AMPH: variants seen among roughly 807,000 people sequenced by gnomAD.
The protein encoded by AMPH is amphiphysin, also known as amphiphysin (Stiff-Mann syndrome with breast cancer 128kD autoantigen).
A neutral mutation model predicts 99.1 loss-of-function variants in AMPH; 49 were observed. The observed-to-expected ratio is 0.49, with a 90% confidence interval of 0.39 to 0.63. The LOEUF is 0.63. Ranked by LOEUF, AMPH falls within the 20% of genes least tolerant of loss-of-function variation. The probability of loss-of-function intolerance (pLI) is 0.00; values close to 1 mark genes in which losing one functional copy is unlikely to be tolerated. For synonymous variants in AMPH, 314 were observed against 317.3 expected, an observed-to-expected ratio of 0.99 and a Z score of 0.11; for missense variants, 759 against 863.4, an observed-to-expected ratio of 0.88 and a Z score of 1.52.
intron 5 of AMPH, among the ~76,000 whole-genome samples, chr7:38,487,009 C>T (rs1788523982): frequency 6.6e-6 from 1 of 152,076 alleles, no homozygotes; most frequent in Admixed American, 6.6e-5. Context: ...CCACTGACAT[C>T]AGAAACAAGA....
rs1474184355 is a variant in AMPH, at chr7:38,392,374, G to C, written c.1609-357C>G. Among the ~76,000 whole-genome samples the C allele has an allele frequency of 3.3e-5, 3 of 90,220 alleles. No homozygotes were observed. The East Asian group carries it at 1.0e-3, about 31-fold the overall frequency. The allele number at this position is 90,220 out of a possible 152,430, so 59.2% of individuals were successfully genotyped here. ...GGAGGAGTCAATGCAGGCCGGCCTG[G>C]TTCTTTTTTTTTTTTTTTTTTTTTT... is the stretch of plus-strand genomic sequence containing the variant. On this transcript the variant is annotated intron_variant, in intron 18 of 20. Transcript: ENST00000356264.
At chr7:38,536,978 A>T (rs577562937) in intron 1 of AMPH, among the ~76,000 whole-genome samples, 37 of 152,300 alleles carry the variant, frequency 2.4e-4, no homozygotes, top group African/African-American at 8.7e-4. Context: ...ATTAAGAGTG[A>T]TCATTATTTT....
At chr7:38,623,338 A>G in intron 1 of AMPH, among the ~76,000 whole-genome samples, 1 of 152,202 alleles carries the variant, frequency 6.6e-6, no homozygotes, top group East Asian at 1.9e-4. Context: ...TTAAAATCTG[A>G]GTTCCTACAG....
At chr7:38,443,328 C>T (rs927947690) in intron 11 of AMPH, among the ~76,000 whole-genome samples, 2 of 151,976 alleles carry the variant, frequency 1.3e-5, no homozygotes, top group Non-Finnish European at 2.9e-5. Flanking sequence ...ACTTAACCAG[C>T]AATTGATTTT....
chr7:38,561,236 C>T (rs547065781), intron 1 of AMPH, among the ~76,000 whole-genome samples: 15 of 152,290 alleles, frequency 9.8e-5, no homozygotes, highest in East Asian at 5.8e-4. Context: ...TGTTGAATAA[C>T]GAACCACGAA....
At chr7:38,517,025 A>T (rs1789773602) in intron 2 of AMPH, among the ~76,000 whole-genome samples, 1 of 152,188 alleles carries the variant, frequency 6.6e-6, no homozygotes, top group Non-Finnish European at 1.5e-5. Context: ...GGAAGTAATT[A>T]ACTTGTTTTC....
At chr7:38,392,711 A>G (rs1784545839) in intron 18 of AMPH, 2 of 152,798 alleles carry the variant, frequency 1.3e-5, no homozygotes, top group African/African-American at 4.8e-5. Context: ...TTCTTGTCCC[A>G]CGGAACCCTA....
At chr7:38,473,059 G>C (rs1012037073) in intron 7 of AMPH, among the ~76,000 whole-genome samples, 1 of 152,138 alleles carries the variant, frequency 6.6e-6, no homozygotes, top group African/African-American at 2.4e-5. Context: ...ATAAATATCT[G>C]TCTCTTGGCA....
At chr7:38,424,840 G>A (rs912811447) in intron 15 of AMPH, among the ~76,000 whole-genome samples, 1 of 152,098 alleles carries the variant, frequency 6.6e-6, no homozygotes, top group Non-Finnish European at 1.5e-5. Context: ...AAAGGAAGAT[G>A]AAAGAGGTAG....
chr7:38,463,533 T>G (rs1394627450), intron 9 of AMPH, among the ~76,000 whole-genome samples: 1 of 152,238 alleles, frequency 6.6e-6, no homozygotes, highest in Non-Finnish European at 1.5e-5. Flanking sequence ...TCGTTTCACT[T>G]TCTATTTACA....
intron 11 of AMPH, among the ~76,000 whole-genome samples, 199 bp from the exon 12 acceptor site, chr7:38,436,587 A>G (rs1786276244): frequency 6.6e-6 from 1 of 152,208 alleles, no homozygotes; most frequent in African/African-American, 2.4e-5. Flanking sequence ...ACTCTGGCCA[A>G]GTATAACCTA....
At chr7:38,615,071 T>C (rs1023906740) in intron 1 of AMPH, among the ~76,000 whole-genome samples, 2 of 152,200 alleles carry the variant, frequency 1.3e-5, no homozygotes, top group Non-Finnish European at 2.9e-5. Context: ...CAACTCAATA[T>C]TGCAGAATAA....
chr7:38,591,632 G>A (rs376396595), intron 1 of AMPH, among the ~76,000 whole-genome samples: 41 of 152,122 alleles, frequency 2.7e-4, no homozygotes, highest in African/African-American at 8.7e-4. Context: ...AGTTAGAAAG[G>A]GTCCCAAAAG....
intron 3 of AMPH, among the ~76,000 whole-genome samples, chr7:38,497,820 T>C (rs1453545979): frequency 6.6e-6 from 1 of 152,288 alleles, no homozygotes; most frequent in African/African-American, 2.4e-5. Flanking sequence ...TGGAATAAAA[T>C]AGGCAGTTGG....
intron 17 of AMPH, among the ~76,000 whole-genome samples, chr7:38,408,339 T>A (rs1341580725): frequency 1.3e-5 from 2 of 152,114 alleles, no homozygotes; most frequent in African/African-American, 4.8e-5. Flanking sequence ...TAGATTATAA[T>A]TTTTTTTCTT....
intron 1 of AMPH, among the ~76,000 whole-genome samples, chr7:38,594,081 CG>C (rs1168546323): frequency 6.6e-6 from 1 of 151,938 alleles, no homozygotes; most frequent in Non-Finnish European, 1.5e-5. Context: ...CAGGGGGTCA[CG>C]GGAAGAAGCA....
chr7:38,617,134 C>T (rs1410039174), intron 1 of AMPH, among the ~76,000 whole-genome samples: 1 of 152,220 alleles, frequency 6.6e-6, no homozygotes, highest in African/African-American at 2.4e-5. Context: ...AAACAACATA[C>T]ATGCACAGTC....
intron 1 of AMPH, among the ~76,000 whole-genome samples, chr7:38,566,283 A>C (rs1416319921): frequency 6.7e-6 from 1 of 148,514 alleles, no homozygotes; most frequent in Non-Finnish European, 1.5e-5. Context: ...GAAACTCATT[A>C]ATGTCTTCTT....
In AMPH at chr7:38,513,950, T is replaced by G. The variant is rs115863340; in HGVS notation, c.151-10246A>C. Among the ~76,000 whole-genome samples, 1,243 of 152,318 alleles carry G rather than the reference T, an allele frequency of 8.2e-3. 16 individuals carry two copies. The highest frequency in any genetic ancestry group is 0.028 in the African/African-American group (1,176 of 41,570). The stretch of plus-strand genomic sequence containing the variant: ...AAAATGTTCTTTTGACCCTCACTCC[T>G]TCTCCCAGCTATAGTCTTGGTCTTT... On this transcript the variant is annotated intron_variant, in intron 2 of 20. Transcript: ENST00000356264.
Sources: allele counts gnomAD v4.1 joint callset (sites outside exome capture counted in the v4.1 genomes callset), GRCh38; gene constraint gnomAD v4.1.1; transcripts MANE v1.5; gene names NCBI Gene and HGNC (gene_info 2026-07-23, HGNC 2026-07-21).